SHBG: variants seen among roughly 807,000 people sequenced by gnomAD.
The protein encoded by SHBG is sex hormone binding globulin, also known as sex hormone-binding globulin.
In SHBG, 37 loss-of-function variants were observed where a neutral mutation model predicts 41.9. The ratio of observed to expected loss-of-function variants is 0.88; its 90% CI spans 0.68 to 1.16. The LOEUF (loss-of-function observed/expected upper bound fraction) is 1.16. Among genes scored for constraint, SHBG ranks in the 50% most tolerant of loss-of-function variants. SHBG has a pLI of 0.00. For missense variants in SHBG, 466 were observed against 499.9 expected (o/e 0.93, Z 0.65); for synonymous variants, 217 against 205.8 (o/e 1.05, Z -0.47).
intron 1 of SHBG, among the ~76,000 whole-genome samples, chr17:7,620,927 A>G (rs551672678): frequency 1.7e-4 from 26 of 151,816 alleles, no homozygotes; most frequent in African/African-American, 6.0e-4. Flanking sequence ...CACCGTGCCC[A>G]GACAAAAATT....
At chr17:7,632,352 G>A (rs919861705) in intron 6 of SHBG, among the ~76,000 whole-genome samples, 5 of 152,054 alleles carry the variant, frequency 3.3e-5, no homozygotes, top group Non-Finnish European at 7.4e-5. Flanking sequence ...CCTGAGGCAG[G>A]AGGTTCACTT....
At chr17:7,626,334 C>A, upstream of SHBG, 1 of 1,214,196 alleles carries the variant, frequency 8.2e-7, no homozygotes, top group Admixed American at 2.1e-5. Flanking sequence ...CACCCCTAAC[C>A]CTCCTTCCTC....
chr17:7,632,080 A>G, intron 6 of SHBG, 65 bp downstream of exon 6: 1 of 1,520,994 alleles, frequency 6.6e-7, no homozygotes, highest in Admixed American at 1.7e-5. Flanking sequence ...GGAAGAGGGG[A>G]GTCCAACATG....
chr17:7,633,312 G>GC lies in SHBG; in HGVS notation c.1174dup (p.Gln392ProfsTer8). ...AGCCATGAGATCTGGACTCACAGCTGCCCCCAGAGCCCAGGCAATGGCACT... is the reference window on the plus strand; with the variant it reads ...AGCCATGAGATCTGGACTCACAGCTGCCCCCCAGAGCCCAGGCAATGGCACT... On this transcript the variant is annotated frameshift_variant, in exon 8 of 8. Transcript: ENST00000380450. LOFTEE classifies it high-confidence loss of function. 1 of 1,614,138 alleles carries GC rather than the reference G, an allele frequency of 6.2e-7. No individual in the cohort carries two copies. Among genetic ancestry groups the GC allele is most frequent in the Non-Finnish European group, 8.5e-7 (1 of 1,180,028 alleles).
rs752784478 is a variant in SHBG, at chr17:7,630,403, C to A, written c.112-13C>A. On this transcript the variant is annotated splice_polypyrimidine_tract_variant and intron_variant, in intron 1 of 7. Coordinates refer to ENST00000380450, the MANE Select transcript of SHBG (RefSeq NM_001040.5). This position sits in a 1 kb window ranked among gnomAD's most constrained non-coding sequence, Gnocchi z 4.6. ...GTCCCTACTCAGCTTTGTTTGTTTT[C>A]TCTTTCTGATAGAGTGCCCACGACC... The A allele has an allele frequency of 5.6e-6, 9 of 1,612,986 alleles. No individual in the cohort carries two copies. The highest frequency in any genetic ancestry group is 6.8e-6 in the Non-Finnish European group (8 of 1,179,126).
chr17:7,631,296 CG>C lies in SHBG; in HGVS notation c.491del (p.Arg164ProfsTer5). 1.2e-6 allele frequency: 2 copies of C among 1,613,862 alleles called. No individual in the cohort carries two copies. Among genetic ancestry groups the C allele is most frequent in the Non-Finnish European group, 1.7e-6 (2 of 1,179,908 alleles). ...GGTCTCTGGGCCCCTGACCAGCAAA[CG>C]CCATCCCATCATGAGGATTGCGCTT... ...RQVSGPLTSK[R>X]HPIMRIALGG... On this transcript the variant is annotated frameshift_variant, in exon 4 of 8. Transcript: ENST00000380450. LOFTEE classifies it high-confidence loss of function.
Position 7,614,293 on chromosome 17 carries a change from T to C in SHBG, c.-62+182T>C, listed in dbSNP as rs762330205. Among the ~76,000 whole-genome samples, 11 of 152,076 alleles carry C rather than the reference T, an allele frequency of 7.2e-5. No homozygotes were observed. In the South Asian group the frequency reaches 1.0e-3, roughly 14 times the overall value. On this transcript the variant is annotated intron_variant, in intron 1 of 5. Transcript: ENST00000570547. The stretch of plus-strand genomic sequence containing the variant: ...CAAAAATAAGAGGAACAGGGTTCAC[T>C]CTAAGCGGTCTCCCAGGGAAGGCTG...
At chr17:7,617,756 A>T (rs2072018799) in intron 1 of SHBG, among the ~76,000 whole-genome samples, 1 of 152,190 alleles carries the variant, frequency 6.6e-6, no homozygotes, top group Non-Finnish European at 1.5e-5. Context: ...GAAAGGATAA[A>T]ATCATCTAAA....
At chr17:7,627,468 G>T (rs956000982), upstream of SHBG, 60 of 1,608,774 alleles carry the variant, frequency 3.7e-5, no homozygotes, top group Non-Finnish European at 4.5e-5. This position sits in a 1 kb window ranked among gnomAD's most constrained non-coding sequence, Gnocchi z 4.8. Context: ...GCTGCTCCCC[G>T]AGCAGGTTCC....
In SHBG at chr17:7,630,360, T is replaced by G. The variant is rs1214609706; in HGVS notation, c.112-56T>G. ...CTGGCCCTGTAGCAGGGCCTCTCCC[T>G]CTGTCTGTCTCTGACATGTCCCTAC... On this transcript the variant is annotated intron_variant, in intron 1 of 7. Transcript: ENST00000380450. The surrounding 1 kb of genome is among the most constrained non-coding windows in gnomAD (Gnocchi z 4.6). 1 of 1,591,172 alleles carries G rather than the reference T, an allele frequency of 6.3e-7. No homozygotes were observed. The highest frequency in any genetic ancestry group is 8.6e-7 in the Non-Finnish European group (1 of 1,159,318).
Position 7,631,620 on chromosome 17 carries a change from G to T in SHBG, c.587G>T (p.Arg196Leu). The change falls in exon 5 of 8, where the codon CGG (arginine) becomes CTG (leucine). Residue 196 changes from arginine (R) to leucine (L), a missense_variant. By Grantham distance (102) the Arg-to-Leu change is moderately radical (BLOSUM62 -2). Transcript: ENST00000380450. ...CCTGCCCTGGATGGCTGCCTGCGCC[G>T]GGATTCCTGGCTGGACAAACAGGCC... is the stretch of plus-strand genomic sequence containing the variant. ...LVPALDGCLR[R>L]DSWLDKQAEI... 1.2e-6 allele frequency: 2 copies of T among 1,614,076 alleles called. No homozygotes were observed. Among genetic ancestry groups the T allele is most frequent in the Non-Finnish European group, 1.7e-6 (2 of 1,180,016 alleles).
rs796397438 is a variant in SHBG at position 7,618,222 on chromosome 17, CA to C, written c.-62+4122del. ...TGGGTGACAGAGAAAGATTCTGTCTCAAAAAAAAAAATTATTTCCAACCTCG... is the reference window on the plus strand; with the variant it reads ...TGGGTGACAGAGAAAGATTCTGTCTCAAAAAAAAAATTATTTCCAACCTCG... On this transcript the variant is annotated intron_variant, in intron 1 of 5. Coordinates refer to the SHBG transcript ENST00000570547. 2.9e-4 allele frequency among the ~76,000 whole-genome samples: 42 copies of C among 144,054 alleles called. No individual in the cohort carries two copies. In the East Asian group the frequency reaches 3.5e-3, roughly 12 times the overall value. 94.5% of individuals were successfully genotyped at this position (144,054 alleles called of 152,430 possible).
chr17:7,627,564 CT>C (rs1329231854), upstream of SHBG: 2 of 1,609,764 alleles, frequency 1.2e-6, no homozygotes, highest in Admixed American at 1.7e-5. This position sits in a 1 kb window ranked among gnomAD's most constrained non-coding sequence, Gnocchi z 4.8. Flanking sequence ...GGCCTGCAGT[CT>C]TCACCCGAAT....
At chr17:7,615,329 G>A (rs2071953160) in intron 1 of SHBG, among the ~76,000 whole-genome samples, 1 of 151,832 alleles carries the variant, frequency 6.6e-6, no homozygotes, top group Non-Finnish European at 1.5e-5. Flanking sequence ...TTCTTGGTGC[G>A]CACGCTCCAA....
rs2150967799 is a variant in SHBG, at chr17:7,630,664, T to C, written c.204-16T>C. On this transcript the variant is annotated splice_polypyrimidine_tract_variant and intron_variant, in intron 2 of 7. Transcript: ENST00000380450. This position sits in a 1 kb window ranked among gnomAD's most constrained non-coding sequence, Gnocchi z 4.6. Reference sequence around the variant, plus strand: ...GACACATGACATACACAATCTTTCCTTCTGTGTCCTTCCAGAACCTCCTCC... The same window carrying C: ...GACACATGACATACACAATCTTTCCCTCTGTGTCCTTCCAGAACCTCCTCC... 1 of 1,610,976 alleles carries C rather than the reference T, an allele frequency of 6.2e-7. No individual in the cohort carries two copies. Among genetic ancestry groups the C allele is most frequent in the Non-Finnish European group, 8.5e-7 (1 of 1,177,708 alleles).
At chr17:7,614,166 C>T (rs1411145312) in intron 1 of SHBG, 4 of 643,096 alleles carry the variant, frequency 6.2e-6, no homozygotes, top group Non-Finnish European at 2.9e-6. Flanking sequence ...GTAAAGGGGT[C>T]TCTCCTGCGG....
Position 7,631,740 on chromosome 17 carries a change from A to G in SHBG, c.707A>G (p.Asn236Ser), listed in dbSNP as rs888818156. ...CCTCCAGGGACTCAGGCAGAATTCA[A>G]TCTCCGAGGTAGATTTCCTCGGAGT... ...FLPPGTQAEF[N>S]LRDIPQPHAE... Residue 236 changes from asparagine to serine, a missense_variant, in exon 5 of 8, where the codon AAT becomes AGT. Physicochemically the swap from Asn to Ser is conservative, Grantham distance 46 (BLOSUM62 1). Coordinates refer to ENST00000380450, the MANE Select transcript of SHBG (RefSeq NM_001040.5). The G allele has an allele frequency of 1.8e-5, 29 of 1,613,906 alleles. No homozygotes were observed. Among genetic ancestry groups the G allele is most frequent in the Admixed American group, 3.3e-5 (2 of 59,988 alleles).
chr17:7,632,825 A>C lies in SHBG; in HGVS notation c.926A>C (p.Lys309Thr), dbSNP rs758224869. ...GTCTTGGGACTCCCTCTTCAGCTGA[A>C]GCTGAGTATGTCCAGGGTGGTCTTG... Reference protein sequence around the residue: ...PLVLGLPLQLKLSMSRVVLSQ... With the variant: ...PLVLGLPLQLTLSMSRVVLSQ... Residue 309 changes from lysine (K) to threonine (T), a missense_variant, in exon 7 of 8, where the codon AAG becomes ACG. Transcript: ENST00000380450. 2.5e-6 allele frequency: 4 copies of C among 1,614,030 alleles called. No homozygotes were observed. Among genetic ancestry groups the C allele is most frequent in the Middle Eastern group, 1.6e-4 (1 of 6,072 alleles).
upstream of SHBG, among the ~76,000 whole-genome samples, chr17:7,629,447 G>C (rs890888943): frequency 2.0e-5 from 3 of 152,050 alleles, no homozygotes; most frequent in Non-Finnish European, 2.9e-5. Context: ...TCTACTGCTA[G>C]ACTGTTTAGG....
Sources: allele counts gnomAD v4.1 joint callset (sites outside exome capture counted in the v4.1 genomes callset), GRCh38; gene constraint gnomAD v4.1.1; non-coding constraint Gnocchi (gnomAD v3.1); transcripts MANE v1.5; gene names NCBI Gene and HGNC (gene_info 2026-07-23, HGNC 2026-07-21).